MINDY4: variants seen among roughly 807,000 people sequenced by gnomAD.
MINDY4 encodes probable ubiquitin carboxyl-terminal hydrolase MINDY-4.
A neutral mutation model predicts 87.0 loss-of-function variants in MINDY4; 68 were observed. That is an observed-to-expected ratio of 0.78 (90% confidence interval 0.64 to 0.96). The LOEUF (loss-of-function observed/expected upper bound fraction) is 0.96, where lower values mean the gene tolerates loss of function less well. Among genes scored for constraint, MINDY4 ranks in the 40% least tolerant of loss-of-function variants. MINDY4 has a pLI of 0.00. For missense variants in MINDY4, 919 were observed against 928.2 expected (o/e 0.99, Z 0.13); for synonymous variants, 379 against 363.2 (o/e 1.04, Z -0.50).
At chr7:30,889,478 T>C (rs1340648023) in intron 17 of MINDY4, among the ~76,000 whole-genome samples, 1 of 152,122 alleles carries the variant, frequency 6.6e-6, no homozygotes, top group African/African-American at 2.4e-5. Flanking sequence ...CACCCCCAAA[T>C]AGTATCAGCA....
intron 17 of MINDY4, among the ~76,000 whole-genome samples, chr7:30,888,739 A>G (rs1178203176): frequency 1.3e-5 from 2 of 152,038 alleles, no homozygotes; most frequent in Admixed American, 6.5e-5. Context: ...TTGATTTTCT[A>G]TTGTAATTGC....
intron 5 of MINDY4, among the ~76,000 whole-genome samples, chr7:30,826,286 G>T (rs1412128649): frequency 6.6e-6 from 1 of 152,178 alleles, no homozygotes; most frequent in Non-Finnish European, 1.5e-5. Context: ...TTTAGCGTCT[G>T]TTCATTTTAC....
At position 30,867,724 on chromosome 7, in the gene MINDY4, T is replaced by C. The variant is rs180898003; in HGVS notation, c.1746-4519T>C. ...TGGGTGGGGGAAGTGTGGTCAAGGG[T>C]CAGTTTCTGAGAGTGGCAAGCAGGA... On this transcript the variant is annotated intron_variant, in intron 13 of 17. Coordinates refer to ENST00000265299, the MANE Select transcript of MINDY4 (RefSeq NM_032222.3). Among the ~76,000 whole-genome samples, 77 of 152,104 alleles carry C rather than the reference T, an allele frequency of 5.1e-4. 1 individual carries two copies. Among genetic ancestry groups the C allele is most frequent in the Non-Finnish European group, 8.4e-4 (57 of 67,974 alleles).
At chr7:30,807,867 C>T (rs1787859655) in intron 5 of MINDY4, among the ~76,000 whole-genome samples, 1 of 152,180 alleles carries the variant, frequency 6.6e-6, no homozygotes, top group South Asian at 2.1e-4. Flanking sequence ...TTAAAAGGGA[C>T]AGGAATTGCT....
At chr7:30,808,512 C>A (rs987202940) in intron 5 of MINDY4, among the ~76,000 whole-genome samples, 2 of 151,896 alleles carry the variant, frequency 1.3e-5, no homozygotes, top group African/African-American at 4.8e-5. Flanking sequence ...GTGGTGTGAG[C>A]GTGGTGTTTT....
At chr7:30,777,312 A>G (rs1786855449) in intron 1 of MINDY4, among the ~76,000 whole-genome samples, 2 of 152,150 alleles carry the variant, frequency 1.3e-5, no homozygotes, top group South Asian at 4.1e-4. Context: ...GCCTCGTTAT[A>G]GCATGTTCCA....
intron 5 of MINDY4, among the ~76,000 whole-genome samples, chr7:30,816,601 C>T (rs997151891): frequency 2.0e-5 from 3 of 149,854 alleles, no homozygotes; most frequent in African/African-American, 4.9e-5. Flanking sequence ...TCCGTTTCTC[C>T]CTCCCTCCCG....
chr7:30,852,582 CTCTT>C (rs966800253), intron 11 of MINDY4, among the ~76,000 whole-genome samples: 3 of 146,032 alleles, frequency 2.1e-5, no homozygotes, highest in African/African-American at 7.6e-5. Flanking sequence ...GTCCTTCTTC[CTCTT>C]TCTTTAGCAT....
intron 13 of MINDY4, among the ~76,000 whole-genome samples, chr7:30,866,667 G>T (rs1244568632): frequency 6.6e-6 from 1 of 152,208 alleles, no homozygotes; most frequent in South Asian, 2.1e-4. Flanking sequence ...GGCTCTGAGG[G>T]ATAAGTGGGA....
chr7:30,815,832 C>G (rs758582342), intron 5 of MINDY4, among the ~76,000 whole-genome samples: 1 of 152,160 alleles, frequency 6.6e-6, no homozygotes, highest in Non-Finnish European at 1.5e-5. Context: ...GAGGTGTGAA[C>G]TGGGAGGGCC....
At chr7:30,890,277 A>G (rs1210925248) in intron 17 of MINDY4, among the ~76,000 whole-genome samples, 3 of 152,228 alleles carry the variant, frequency 2.0e-5, no homozygotes, top group African/African-American at 7.2e-5. Flanking sequence ...GTTGTTGACT[A>G]GGGAGCACAA....
intron 10 of MINDY4, 113 bp downstream of exon 10, chr7:30,850,668 C>A: frequency 2.1e-6 from 2 of 953,286 alleles, no homozygotes; most frequent in East Asian, 2.7e-5. Flanking sequence ...CCCTGTGCCA[C>A]ATGCTGGGAT....
At chr7:30,812,583 C>T (rs539338993) in intron 5 of MINDY4, among the ~76,000 whole-genome samples, 41 of 152,178 alleles carry the variant, frequency 2.7e-4, no homozygotes, top group Non-Finnish European at 5.7e-4. Flanking sequence ...GCCCAAAACA[C>T]GCTGAGGGAG....
intron 17 of MINDY4, among the ~76,000 whole-genome samples, chr7:30,884,305 C>A (rs1028932796): frequency 6.6e-6 from 1 of 152,204 alleles, no homozygotes; most frequent in Non-Finnish European, 1.5e-5. Flanking sequence ...TCCGTCCATC[C>A]GTTCGTCCAT....
intron 3 of MINDY4, among the ~76,000 whole-genome samples, chr7:30,783,914 A>C (rs1787076613): frequency 6.6e-6 from 1 of 152,242 alleles, no homozygotes; most frequent in East Asian, 1.9e-4. Flanking sequence ...ATGAATTGGC[A>C]TTCTTGATTG....
At chr7:30,836,540 A>AC (rs1584294712) in intron 6 of MINDY4, 118 bp from the exon 7 acceptor site, 1 of 829,108 alleles carries the variant, frequency 1.2e-6, no homozygotes, top group Admixed American at 2.1e-5. Context: ...GCGGGGAGGA[A>AC]CCCTCCTTTC....
At position 30,825,158 on chromosome 7, in the gene MINDY4, C is replaced by T. The variant is rs536511251; in HGVS notation, c.1074-3521C>T. 1.2e-3 allele frequency among the ~76,000 whole-genome samples: 182 copies of T among 152,322 alleles called. 1 individual carries two copies. The highest frequency in any genetic ancestry group is 0.01 in the Middle Eastern group (3 of 294). On this transcript the variant is annotated intron_variant, in intron 5 of 17. Transcript: ENST00000265299. The stretch of plus-strand genomic sequence containing the variant: ...TGAGTCCCTTGATTTATCTTTTTGT[C>T]ATTGTTGTTCAGAATAGTTTTCACT...
At chr7:30,773,683 G>T (rs1212393194) in intron 1 of MINDY4, among the ~76,000 whole-genome samples, 1 of 152,096 alleles carries the variant, frequency 6.6e-6, no homozygotes, top group Non-Finnish European at 1.5e-5. Flanking sequence ...CTGCCACCCT[G>T]CCCCATGGTC....
rs143750152 is a variant in MINDY4 at position 30,773,448 on chromosome 7, C to A, written c.63+1892C>A. Among the ~76,000 whole-genome samples, 7 of 152,286 alleles carry A rather than the reference C, an allele frequency of 4.6e-5. No individual in the cohort carries two copies. In the East Asian group the frequency reaches 1.4e-3, roughly 29 times the overall value. On this transcript the variant is annotated intron_variant, in intron 1 of 17. Transcript: ENST00000265299. Reference sequence around the variant, plus strand: ...ATCATAATTAGACTTCAAGTCTCTCCATTACTTGGCTCTGGCTACCCTCAG... The same window carrying A: ...ATCATAATTAGACTTCAAGTCTCTCAATTACTTGGCTCTGGCTACCCTCAG...
Sources: gnomAD v4.1 joint callset for allele counts (sites outside exome capture counted in the v4.1 genomes callset) on GRCh38, gnomAD v4.1.1 for gene constraint, MANE v1.5 for transcripts, NCBI Gene and HGNC (gene_info 2026-07-23, HGNC 2026-07-21) for gene names.